Variants in TRPM3 observed in about 807,000 individuals in gnomAD.
The protein encoded by TRPM3 is long transient receptor potential channel 3.
In TRPM3, 77 loss-of-function variants were observed where a neutral mutation model predicts 181.2. The ratio of observed to expected loss-of-function variants is 0.42; its 90% CI spans 0.35 to 0.51. The LOEUF (loss-of-function observed/expected upper bound fraction) is 0.51. TRPM3 is among the 20% of genes least tolerant of loss of function. TRPM3 has a pLI of 0.01. For missense variants in TRPM3, 1,759 were observed against 2,196.7 expected (o/e 0.80, Z 3.98); for synonymous variants, 745 against 796.4 (o/e 0.94, Z 1.09).
intron 1 of TRPM3, among the ~76,000 whole-genome samples, chr9:71,271,998 C>A (rs1377134372): frequency 6.6e-6 from 1 of 152,132 alleles, no homozygotes; most frequent in Non-Finnish European, 1.5e-5. Context: ...GTTGTGCCAG[C>A]TGGATAGTCT....
At position 70,933,892 on chromosome 9, in the gene TRPM3, T is replaced by C. The variant is rs925351671; in HGVS notation, c.178-69381A>G. Among the ~76,000 whole-genome samples the C allele has an allele frequency of 7.2e-5, 11 of 151,906 alleles. No individual in the cohort carries two copies. In the East Asian group the frequency reaches 1.9e-3, roughly 27 times the overall value. On this transcript the variant is annotated intron_variant, in intron 1 of 25. Coordinates refer to ENST00000677713, the MANE Select transcript of TRPM3 (RefSeq NM_001366145.2). ...ACCCAGGCACAGGATTGGACTTTGA[T>C]AGGAGGAAGGGAGCTCCCTATGACA...
At chr9:70,644,807 C>T (rs1268695969) in intron 9 of TRPM3, among the ~76,000 whole-genome samples, 1 of 152,176 alleles carries the variant, frequency 6.6e-6, no homozygotes, top group Non-Finnish European at 1.5e-5. Flanking sequence ...ATTCAGAAAG[C>T]CCCATTGTTT....
At chr9:71,160,326 C>A (rs1233477645) in intron 1 of TRPM3, among the ~76,000 whole-genome samples, 1 of 152,128 alleles carries the variant, frequency 6.6e-6, no homozygotes, top group African/African-American at 2.4e-5. Flanking sequence ...AAAAAAATTT[C>A]ATAGCACATC....
chr9:71,410,316 T>C (rs1248486706), intron 1 of TRPM3, among the ~76,000 whole-genome samples: 1 of 151,178 alleles, frequency 6.6e-6, no homozygotes, highest in African/African-American at 2.4e-5. Context: ...AATCAATGAA[T>C]CCAGGAGCTG....
chr9:70,621,071 A>G (rs2063545060), intron 15 of TRPM3, among the ~76,000 whole-genome samples, 173 bp downstream of exon 15: 1 of 146,796 alleles, frequency 6.8e-6, no homozygotes, highest in South Asian at 2.1e-4. Context: ...TATATATAGT[A>G]TTACACATTA....
At chr9:70,583,454 G>T (rs1228369710) in intron 22 of TRPM3, among the ~76,000 whole-genome samples, 1 of 152,210 alleles carries the variant, frequency 6.6e-6, no homozygotes, top group Non-Finnish European at 1.5e-5. Context: ...AAACAAAAGT[G>T]CTCTGTTAAA....
chr9:71,373,644 C>T (rs2092589308), intron 1 of TRPM3, among the ~76,000 whole-genome samples: 1 of 151,886 alleles, frequency 6.6e-6, no homozygotes, highest in Non-Finnish European at 1.5e-5. Context: ...AATAGCCTAC[C>T]AAGCAAAAAA....
intron 1 of TRPM3, among the ~76,000 whole-genome samples, chr9:71,279,150 G>A (rs1364703882): frequency 1.3e-5 from 2 of 151,254 alleles, no homozygotes; most frequent in African/African-American, 4.8e-5. Flanking sequence ...AAAGGAATTT[G>A]ATTTCTTTAA....
At chr9:70,616,213 TTA>T in intron 17 of TRPM3, 138 bp from the exon 18 acceptor site, 2 of 496,964 alleles carry the variant, frequency 4.0e-6, no homozygotes, top group Non-Finnish European at 6.7e-6. Context: ...CACACAGTTG[TTA>T]TATGCTCTGT....
At chr9:71,017,216 T>A (rs897208906) in intron 1 of TRPM3, among the ~76,000 whole-genome samples, 5 of 152,050 alleles carry the variant, frequency 3.3e-5, no homozygotes, top group Admixed American at 2.0e-4. Flanking sequence ...TCAGTTTTCT[T>A]ATCTCTTTGG....
chr9:71,140,886 G>A (rs1229941348), intron 1 of TRPM3, among the ~76,000 whole-genome samples: 1 of 152,142 alleles, frequency 6.6e-6, no homozygotes, highest in Non-Finnish European at 1.5e-5. Context: ...TAAGGAAACT[G>A]GCTCTGCCTG....
chr9:71,338,873 T>A (rs1172144385), intron 1 of TRPM3, among the ~76,000 whole-genome samples: 1 of 152,146 alleles, frequency 6.6e-6, no homozygotes, highest in Admixed American at 6.6e-5. Context: ...ATTCACCTTT[T>A]CAATACTATT....
chr9:71,221,902 G>A (rs942521746), intron 1 of TRPM3, among the ~76,000 whole-genome samples: 1 of 152,206 alleles, frequency 6.6e-6, no homozygotes, highest in Non-Finnish European at 1.5e-5. Flanking sequence ...ACCCAGAGCT[G>A]CAATGAGTGA....
At chr9:71,168,289 A>C (rs2076633835) in intron 1 of TRPM3, among the ~76,000 whole-genome samples, 1 of 151,962 alleles carries the variant, frequency 6.6e-6, no homozygotes, top group South Asian at 2.1e-4. Flanking sequence ...TCTAGTTTTC[A>C]CTCTTTTGTA....
At chr9:70,987,256 G>A (rs1363950220) in intron 1 of TRPM3, among the ~76,000 whole-genome samples, 1 of 151,946 alleles carries the variant, frequency 6.6e-6, no homozygotes, top group Non-Finnish European at 1.5e-5. Context: ...AATACAGAAT[G>A]GCTCAAAACT....
Position 71,027,741 on chromosome 9 carries a change from A to G in TRPM3, c.177+93437T>C, listed in dbSNP as rs117883655. 1.9e-4 allele frequency among the ~76,000 whole-genome samples: 29 copies of G among 152,334 alleles called. 1 individual carries two copies. The East Asian group carries it at 5.6e-3, about 29-fold the overall frequency. ...GAGCCTTGAAGACTAGCTTTTGGAA[A>G]TAAGACAGTCAGACAAGAAGAAAGA... On this transcript the variant is annotated intron_variant, in intron 1 of 25. Transcript: ENST00000677713.
At chr9:71,409,419 C>T (rs2093499729) in intron 1 of TRPM3, among the ~76,000 whole-genome samples, 1 of 152,004 alleles carries the variant, frequency 6.6e-6, no homozygotes, top group Non-Finnish European at 1.5e-5. Context: ...GGAAGATCTA[C>T]CAAGCAAATG....
At chr9:71,151,829 A>G (rs1400685236) in intron 1 of TRPM3, among the ~76,000 whole-genome samples, 1 of 152,116 alleles carries the variant, frequency 6.6e-6, no homozygotes, top group African/African-American at 2.4e-5. Context: ...CAAGTGAAAA[A>G]GGCAAGGTGG....
At chr9:70,833,736 T>A (rs996973390) in intron 5 of TRPM3, among the ~76,000 whole-genome samples, 5 of 152,278 alleles carry the variant, frequency 3.3e-5, no homozygotes, top group Non-Finnish European at 4.4e-5. Flanking sequence ...CAGCTGGATA[T>A]GAAAGTCCTT....
Sources: gnomAD v4.1 joint callset for allele counts (sites outside exome capture counted in the v4.1 genomes callset) on GRCh38, gnomAD v4.1.1 for gene constraint, MANE v1.5 for transcripts, NCBI Gene and HGNC (gene_info 2026-07-23, HGNC 2026-07-21) for gene names.